Variants in UGT2B15 observed in about 807,000 individuals in gnomAD.
The protein encoded by UGT2B15 is UDP-glucuronosyltransferase 2B15.
In UGT2B15, 36 loss-of-function variants were observed where a neutral mutation model predicts 45.9. That is an observed-to-expected ratio of 0.78 (90% CI 0.60 to 1.04). The LOEUF is 1.04. UGT2B15 is among the 50% of genes least tolerant of loss of function. The pLI is 0.00. For synonymous variants in UGT2B15, 219 were observed against 216.4 expected (o/e 1.01, Z -0.11); for missense variants, 617 against 622.4 (o/e 0.99, Z 0.09).
chr4:68,653,611 T>C (rs1237764038), intron 5 of UGT2B15, among the ~76,000 whole-genome samples: 2 of 151,984 alleles, frequency 1.3e-5, no homozygotes, highest in Non-Finnish European at 2.9e-5. Flanking sequence ...GTGAATGTTA[T>C]GCTATGCAAA....
At chr4:68,651,720 T>A (rs766841955) in intron 5 of UGT2B15, among the ~76,000 whole-genome samples, 14 of 152,272 alleles carry the variant, frequency 9.2e-5, no homozygotes, top group Middle Eastern at 3.4e-3. Context: ...TATGTTCTGT[T>A]CCATTGGTCT....
In UGT2B15 at chr4:68,653,672, T is replaced by C. The variant is rs559069577; in HGVS notation, c.1313+365A>G. Reference sequence around the variant, plus strand: ...AAATAATGATAATAAAAATAAATTTTTGAGAAAGAATAGATTCATACTTTC... The same window carrying C: ...AAATAATGATAATAAAAATAAATTTCTGAGAAAGAATAGATTCATACTTTC... On this transcript the variant is annotated intron_variant, in intron 5 of 5. Coordinates refer to ENST00000338206, the MANE Select transcript of UGT2B15 (RefSeq NM_001076.4). Among the ~76,000 whole-genome samples, 90 of 152,160 alleles carry C rather than the reference T, an allele frequency of 5.9e-4. 1 individual carries two copies. The highest frequency in any genetic ancestry group is 2.1e-3 in the African/African-American group (88 of 41,534).
chr4:68,654,026 G>T lies in UGT2B15; in HGVS notation c.1313+11C>A, dbSNP rs754411979. 10 of 1,610,840 alleles carry T rather than the reference G, an allele frequency of 6.2e-6. No homozygotes were observed. Among genetic ancestry groups the T allele is most frequent in the Non-Finnish European group, 8.5e-6 (10 of 1,177,594 alleles). On this transcript the variant is annotated intron_variant, in intron 5 of 5. Coordinates refer to ENST00000338206, the MANE Select transcript of UGT2B15 (RefSeq NM_001076.4). ...ATAAATACCACCTGGTCACAAAACT[G>T]TAATACTCACACAGGGTCATTAATG...
Position 68,670,611 on chromosome 4 carries a change from A to G in UGT2B15, c.8T>C (p.Leu3Pro), listed in dbSNP as rs755916542. The G allele has an allele frequency of 6.3e-7, 1 of 1,577,438 alleles. No individual in the cohort carries two copies. Among genetic ancestry groups the G allele is most frequent in the Non-Finnish European group, 8.6e-7 (1 of 1,169,024 alleles). Residue 3 changes from leucine to proline, a missense_variant, in exon 1 of 6, where the codon CTG becomes CCG. Physicochemically the swap from Leu to Pro is moderately conservative, Grantham distance 98 (BLOSUM62 -3). Around this residue, in one of 3 missense-constraint regions of UGT2B15, gnomAD observed 351 missense variants for 342.1 expected, o/e 1.03. Transcript: ENST00000338206. MS[L>P]KWTSVFLLIQ... is the part of the protein sequence containing the mutation. The stretch of plus-strand genomic sequence containing the variant: ...CAGCAGAAAGACTGACGTCCATTTC[A>G]GAGACATCCTGGTCTTATGCAATGC...
chr4:68,669,885 C>T lies in UGT2B15; in HGVS notation c.724+10G>A. The T allele has an allele frequency of 6.3e-7, 1 of 1,596,428 alleles. No individual in the cohort carries two copies. The highest frequency in any genetic ancestry group is 8.5e-7 in the Non-Finnish European group (1 of 1,175,230). On this transcript the variant is annotated intron_variant, in intron 1 of 5. Coordinates refer to ENST00000338206, the MANE Select transcript of UGT2B15 (RefSeq NM_001076.4). ...GAACTTAATAAGCACCAGTTAGACA[C>T]ATGACTTACCTAGAACTTCACTATA...
chr4:68,650,861 T>G (rs1381647921), intron 5 of UGT2B15, among the ~76,000 whole-genome samples: 2 of 152,130 alleles, frequency 1.3e-5, no homozygotes, highest in African/African-American at 4.8e-5. Context: ...TGAGATTGTA[T>G]CTCATTGTGG....
At chr4:68,658,105 T>C (rs1472712150) in intron 3 of UGT2B15, among the ~76,000 whole-genome samples, 3 of 152,076 alleles carry the variant, frequency 2.0e-5, no homozygotes, top group Non-Finnish European at 2.9e-5. Context: ...AGATTACCTA[T>C]TGAAACAGGT....
At position 68,660,745 on chromosome 4, in the gene UGT2B15, G is replaced by T. The variant is rs190580365; in HGVS notation, c.1005+2263C>A. ...ACACGTCTTCAAAATAGTGTCTTCA[G>T]GTTTTTTTTCCTCCCTTTCCACCAT... On this transcript the variant is annotated intron_variant, in intron 3 of 5. Transcript: ENST00000338206. Among the ~76,000 whole-genome samples, 4 of 151,950 alleles carry T rather than the reference G, an allele frequency of 2.6e-5. No individual in the cohort carries two copies. The East Asian group carries it at 7.7e-4, about 29-fold the overall frequency.
intron 5 of UGT2B15, among the ~76,000 whole-genome samples, chr4:68,651,641 A>G (rs1732657483): frequency 6.6e-6 from 1 of 151,854 alleles, no homozygotes; most frequent in African/African-American, 2.4e-5. Flanking sequence ...TCCTTTCCCC[A>G]GTTGCTTGTT....
chr4:68,657,862 CT>C (rs1732856219), intron 3 of UGT2B15, among the ~76,000 whole-genome samples: 1 of 151,950 alleles, frequency 6.6e-6, no homozygotes, highest in South Asian at 2.1e-4. Context: ...GCCATAGAAT[CT>C]TTTGTGTGTG....
chr4:68,652,160 T>C (rs993958282), intron 5 of UGT2B15, among the ~76,000 whole-genome samples: 37 of 152,040 alleles, frequency 2.4e-4, no homozygotes, highest in African/African-American at 8.5e-4. Flanking sequence ...TTATTCATGA[T>C]TTGGCTCTCT....
chr4:68,670,150 A>G lies in UGT2B15; in HGVS notation c.469T>C (p.Cys157Arg). 6.2e-7 allele frequency: 1 copy of G among 1,614,078 alleles called. No individual in the cohort carries two copies. Among genetic ancestry groups the G allele is most frequent in the Non-Finnish European group, 8.5e-7 (1 of 1,179,980 alleles). The change falls in exon 1 of 6, where the codon TGT (cysteine) becomes CGT (arginine). Residue 157 changes from cysteine (C) to arginine (R), a missense_variant. Transcript: ENST00000338206. ...AATAGTTCAGCCAGTAGCTCACCACAGGGATTAAGGGCATCTGCCAGAATG... is the reference window on the plus strand; with the variant it reads ...AATAGTTCAGCCAGTAGCTCACCACGGGGATTAAGGGCATCTGCCAGAATG... ...DVILADALNPCGELLAELFNI... is the reference protein window; with the variant it reads ...DVILADALNPRGELLAELFNI...
chr4:68,661,012 A>T (rs1732949989), intron 3 of UGT2B15, among the ~76,000 whole-genome samples: 1 of 152,014 alleles, frequency 6.6e-6, no homozygotes, highest in African/African-American at 2.4e-5. Context: ...TTCATAGGAC[A>T]TGAGACTTCA....
At position 68,651,708 on chromosome 4, in the gene UGT2B15, C is replaced by T. The variant is rs1732659288; in HGVS notation, c.1313+2329G>A. ...TAGATGTGTAGTGTTATTTCTGAGG[C>T]CTATGTTCTGTTCCATTGGTCTATA... On this transcript the variant is annotated intron_variant, in intron 5 of 5. Transcript: ENST00000338206. Among the ~76,000 whole-genome samples, 4 of 152,044 alleles carry T rather than the reference C, an allele frequency of 2.6e-5. No individual in the cohort carries two copies. The South Asian group carries it at 8.3e-4, about 32-fold the overall frequency.
At chr4:68,651,920 G>A (rs1732667679) in intron 5 of UGT2B15, among the ~76,000 whole-genome samples, 1 of 152,056 alleles carries the variant, frequency 6.6e-6, no homozygotes, top group African/African-American at 2.4e-5. Context: ...AATGTCAATG[G>A]TAGTTTGATG....
chr4:68,651,572 A>G, intron 5 of UGT2B15, among the ~76,000 whole-genome samples: 1 of 152,022 alleles, frequency 6.6e-6, no homozygotes, highest in Admixed American at 6.6e-5. Flanking sequence ...GAAGGGATCC[A>G]GTGGCAGTTT....
chr4:68,653,543 A>G (rs1732713887), intron 5 of UGT2B15, among the ~76,000 whole-genome samples: 1 of 151,986 alleles, frequency 6.6e-6, no homozygotes, highest in South Asian at 2.1e-4. Flanking sequence ...AATGTTCTTT[A>G]GGGCTGTGGC....
intron 3 of UGT2B15, among the ~76,000 whole-genome samples, chr4:68,656,646 A>G (rs1732814403): frequency 1.3e-5 from 2 of 152,116 alleles, no homozygotes; most frequent in Non-Finnish European, 2.9e-5. Context: ...CCTCCACCCT[A>G]TACCTCCTTT....
In UGT2B15 at chr4:68,648,271, G is replaced by A. The variant is rs146471267; in HGVS notation, c.1314-888C>T. 5.8e-3 allele frequency among the ~76,000 whole-genome samples: 881 copies of A among 152,096 alleles called. 12 individuals are homozygous for A. Among genetic ancestry groups the A allele is most frequent in the African/African-American group, 0.02 (821 of 41,480 alleles). On this transcript the variant is annotated intron_variant, in intron 5 of 5. Coordinates refer to ENST00000338206, the MANE Select transcript of UGT2B15 (RefSeq NM_001076.4). ...TCTACACAGGCACCTACTTGTCCTA[G>A]CCCTTTCCCCCTGTACACTTTCTTC...
Sources: gnomAD v4.1 joint callset for allele counts (sites outside exome capture counted in the v4.1 genomes callset) on GRCh38, gnomAD v4.1.1 for gene constraint, gnomAD v4.1.1 regional missense constraint, MANE v1.5 for transcripts, NCBI Gene and HGNC (gene_info 2026-07-23, HGNC 2026-07-21) for gene names.